The following CLDND1 variants were observed in gnomAD, a reference collection of about 807,000 sequenced individuals.
The protein encoded by CLDND1 is claudin domain containing 1.
Under a neutral mutation model 26.3 loss-of-function variants are expected in CLDND1, and 13 were observed. The observed-to-expected ratio is 0.49, with a 90% CI of 0.32 to 0.78. The LOEUF (loss-of-function observed/expected upper bound fraction) is 0.78. Among genes scored for constraint, CLDND1 ranks in the 30% least tolerant of loss-of-function variants. CLDND1 has a pLI of 0.03. For missense variants in CLDND1, 289 were observed against 312.8 expected, an observed-to-expected ratio of 0.92 and a Z score of 0.57; for synonymous variants, 107 against 107.0, an observed-to-expected ratio of 1.00 and a Z score of 0.00.
rs77726867 is a variant in CLDND1, at chr3:98,517,915, A to G, written c.404-726T>C. ...CCAACAATATCTAGGTCTTTATATG[A>G]TCTAAAGGCAGTAACAACAAGTAAA... On this transcript the variant is annotated intron_variant, in intron 3 of 4. Coordinates refer to ENST00000341181, the MANE Select transcript of CLDND1 (RefSeq NM_001040181.2). Among the ~76,000 whole-genome samples, 962 of 152,334 alleles carry G rather than the reference A, an allele frequency of 6.3e-3. 2 individuals are homozygous for G. The highest frequency in any genetic ancestry group is 0.011 in the Non-Finnish European group (758 of 68,026).
Position 98,522,878 on chromosome 3 carries a change from C to T in CLDND1, c.-48G>A, listed in dbSNP as rs748519352. The T allele has an allele frequency of 1.2e-6, 2 of 1,613,566 alleles. No homozygotes were observed. Among genetic ancestry groups the T allele is most frequent in the East Asian group, 2.2e-5 (1 of 44,846 alleles). On this transcript the variant is annotated 5_prime_UTR_variant, in exon 1 of 5. Coordinates refer to ENST00000341181, the MANE Select transcript of CLDND1 (RefSeq NM_001040181.2). Reference sequence around the variant, plus strand: ...CATCCTCCTGCTCCGCCAGCTTCACCCTCTAGCTCAGACCACAGCACCCTA... The same window carrying T: ...CATCCTCCTGCTCCGCCAGCTTCACTCTCTAGCTCAGACCACAGCACCCTA...
chr3:98,521,854 T>TA, intron 1 of CLDND1: 1 of 629,278 alleles, frequency 1.6e-6, no homozygotes, highest in Non-Finnish European at 2.8e-6. Context: ...GTTTGAGTGT[T>TA]AAAAAGGCAC....
At chr3:98,522,682 C>G (rs916626464) in intron 1 of CLDND1, 167 bp downstream of exon 1, 26 of 1,456,328 alleles carry the variant, frequency 1.8e-5, no homozygotes, top group East Asian at 8.0e-5. Flanking sequence ...CAGGGTCCCC[C>G]GGTACCCGAC....
intron 1 of CLDND1, 112 bp from the exon 2 acceptor site, chr3:98,521,554 T>C (rs917706472): frequency 6.8e-7 from 1 of 1,460,790 alleles, no homozygotes. Flanking sequence ...CCTTCGTACA[T>C]ATAACCATTA....
chr3:98,517,538 TA>T (rs1706198401), intron 3 of CLDND1, among the ~76,000 whole-genome samples: 2 of 152,126 alleles, frequency 1.3e-5, no homozygotes, highest in South Asian at 4.2e-4. Context: ...AACCAAGGGT[TA>T]AAAATATTCA....
chr3:98,521,170 G>T lies in CLDND1; in HGVS notation c.255C>A (p.Pro85=). The change falls in exon 2 of 5, where the codon CCC becomes CCA. Residue 85 remains proline (P), a synonymous_variant. Coordinates refer to ENST00000341181, the MANE Select transcript of CLDND1 (RefSeq NM_001040181.2). ...VGLWRRCITI[P]KNMHWYSPPE... is the part of the protein sequence containing the mutation. Reference sequence around the variant, plus strand: ...GTGGGCTATACCAATGCATGTTTTTGGGTATGGTGATACACCGTCTCCACA... The same window carrying T: ...GTGGGCTATACCAATGCATGTTTTTTGGTATGGTGATACACCGTCTCCACA... 6.2e-7 allele frequency: 1 copy of T among 1,613,992 alleles called. No homozygotes were observed. The highest frequency in any genetic ancestry group is 8.5e-7 in the Non-Finnish European group (1 of 1,179,874).
In CLDND1 at chr3:98,522,784, A is replaced by G. The variant is rs559959814; in HGVS notation, c.-19+65T>C. The G allele has an allele frequency of 4.3e-6, 7 of 1,612,868 alleles. No individual in the cohort carries two copies. The East Asian group carries it at 1.3e-4, about 31-fold the overall frequency. Reference sequence around the variant, plus strand: ...ACGCCCGGGAAGGGGGCCCCTCTTCAAACCGCCGGGAACATGGAACCGCGA... The same window carrying G: ...ACGCCCGGGAAGGGGGCCCCTCTTCGAACCGCCGGGAACATGGAACCGCGA... On this transcript the variant is annotated intron_variant, in intron 1 of 4. Transcript: ENST00000341181.
chr3:98,519,120 C>T, intron 2 of CLDND1, 125 bp from the exon 3 acceptor site: 1 of 607,476 alleles, frequency 1.6e-6, no homozygotes. Flanking sequence ...TTCTCTGGCC[C>T]TGACTGACAC....
At chr3:98,520,131 T>C (rs896481211) in intron 2 of CLDND1, among the ~76,000 whole-genome samples, 1 of 152,232 alleles carries the variant, frequency 6.6e-6, no homozygotes, top group Non-Finnish European at 1.5e-5. Context: ...GATTTTGTTC[T>C]TTCCTGATGT....
chr3:98,518,913 G>A lies in CLDND1; in HGVS notation c.375C>T (p.His125=), dbSNP rs2107148072. 6.2e-7 allele frequency: 1 copy of A among 1,611,340 alleles called. No individual in the cohort carries two copies. The highest frequency in any genetic ancestry group is 2.2e-5 in the East Asian group (1 of 44,856). The change falls in exon 3 of 5, where the codon CAC becomes CAT. Residue 125 remains histidine (H), a synonymous_variant. Coordinates refer to ENST00000341181, the MANE Select transcript of CLDND1 (RefSeq NM_001040181.2). ...FMEKFVDPGN[H]NSGIDLLRTY... ...TCCTAAGGAGATCAATCCCGCTATT[G>A]TGGTTTCCGGGATCAACAAATTTCT... is the stretch of plus-strand genomic sequence containing the variant.
At chr3:98,516,929 C>T in intron 4 of CLDND1, 50 bp from the exon 5 acceptor site, 1 of 1,609,512 alleles carries the variant, frequency 6.2e-7, no homozygotes, top group Non-Finnish European at 8.5e-7. Flanking sequence ...GATAAAAGCA[C>T]AGTAAAGAGC....
chr3:98,519,082 A>T (rs1706287666), intron 2 of CLDND1, 87 bp from the exon 3 acceptor site: 2 of 804,878 alleles, frequency 2.5e-6, no homozygotes, highest in East Asian at 2.6e-5. Flanking sequence ...GTAAAACAGT[A>T]AAGGATGTTT....
rs1287564277 is a variant in CLDND1 at position 98,518,739 on chromosome 3, AAT to A, written c.403+144_403+145del. 4 of 605,422 alleles carry A rather than the reference AAT, an allele frequency of 6.6e-6. No individual in the cohort carries two copies. The African/African-American group carries it at 7.5e-5, about 11-fold the overall frequency. 37.5% of individuals were successfully genotyped at this position (605,422 alleles called of 1,614,324 possible). On this transcript the variant is annotated intron_variant, in intron 3 of 4. Coordinates refer to ENST00000341181, the MANE Select transcript of CLDND1 (RefSeq NM_001040181.2). ...TATCTACCTTCTAAAATATCAACAG[AAT>A]AGAGTTCACTGGATACTGTTAGAGA...
chr3:98,520,669 G>A (rs1397716634), intron 2 of CLDND1: 1 of 153,516 alleles, frequency 6.5e-6, no homozygotes, highest in Non-Finnish European at 1.4e-5. Flanking sequence ...TAAATGTAGA[G>A]CTGGTCAAAT....
intron 2 of CLDND1, 88 bp from the exon 3 acceptor site, chr3:98,519,083 A>T: frequency 1.2e-6 from 1 of 801,588 alleles, no homozygotes; most frequent in Non-Finnish European, 2.0e-6. Context: ...TAAAACAGTA[A>T]AGGATGTTTC....
chr3:98,516,877 G>C lies in CLDND1; in HGVS notation c.544C>G (p.Leu182Val). 6.2e-7 allele frequency: 1 copy of C among 1,613,790 alleles called. No individual in the cohort carries two copies. Among genetic ancestry groups the C allele is most frequent in the Admixed American group, 1.7e-5 (1 of 59,932 alleles). Residue 182 changes from leucine (L) to valine (V), a missense_variant and splice_region_variant, in exon 5 of 5, where the codon CTG becomes GTG. Transcript: ENST00000341181. ...ATGILHLLAG[L>V]CTLGSVSCYV... ...CAACTTACTGAGCCCAGTGTACACA[G>C]ACCTTGGGGGAAAATTTAGAAAACA...
chr3:98,520,172 G>A (rs1248510546), intron 2 of CLDND1, among the ~76,000 whole-genome samples: 1 of 152,188 alleles, frequency 6.6e-6, no homozygotes, highest in Non-Finnish European at 1.5e-5. Context: ...GGAACATGGA[G>A]ACATGCAATA....
chr3:98,519,230 T>C (rs1377664841), intron 2 of CLDND1, among the ~76,000 whole-genome samples: 4 of 152,146 alleles, frequency 2.6e-5, no homozygotes, highest in Admixed American at 6.5e-5. Context: ...GTAAAATGAA[T>C]GGCAGAATAG....
At chr3:98,518,242 C>T (rs1706242558) in intron 3 of CLDND1, among the ~76,000 whole-genome samples, 2 of 152,154 alleles carry the variant, frequency 1.3e-5, no homozygotes, top group Admixed American at 6.5e-5. Flanking sequence ...CTGCTTGCTA[C>T]ACATTCTCTT....
Sources: gnomAD v4.1 joint callset for allele counts (sites outside exome capture counted in the v4.1 genomes callset) on GRCh38, gnomAD v4.1.1 for gene constraint, MANE v1.5 for transcripts, NCBI Gene and HGNC (gene_info 2026-07-23, HGNC 2026-07-21) for gene names.